The following KCNU1 variants were observed in gnomAD, a reference collection of about 807,000 sequenced individuals.
The protein encoded by KCNU1 is potassium channel subfamily U member 1.
A neutral mutation model predicts 126.8 loss-of-function variants in KCNU1; 93 were observed. The observed-to-expected ratio is 0.73, with a 90% CI of 0.62 to 0.87. The LOEUF is 0.87. Ranked by LOEUF, KCNU1 falls within the 40% of genes least tolerant of loss-of-function variation. The probability of loss-of-function intolerance (pLI) is 0.00; values close to 1 mark genes in which losing one functional copy is unlikely to be tolerated. For synonymous variants in KCNU1, 523 were observed against 494.2 expected (o/e 1.06, Z -0.77); for missense variants, 1,330 against 1,367.1 (o/e 0.97, Z 0.43).
chr8:36,896,714 T>C (rs1807205039), intron 19 of KCNU1, among the ~76,000 whole-genome samples: 1 of 152,054 alleles, frequency 6.6e-6, no homozygotes. Flanking sequence ...GAACATGCAG[T>C]TTATTTTCTT....
At position 36,886,377 on chromosome 8, in the gene KCNU1, T is replaced by C. The variant is rs148324261; in HGVS notation, c.2010-19331T>C. On this transcript the variant is annotated intron_variant, in intron 19 of 26. Transcript: ENST00000399881. Reference sequence around the variant, plus strand: ...GCCAAAAACAAAACAAAACTCTCTCTGAGATGTTCAATTTAAAACCACACC... The same window carrying C: ...GCCAAAAACAAAACAAAACTCTCTCCGAGATGTTCAATTTAAAACCACACC... 1.6e-3 allele frequency among the ~76,000 whole-genome samples: 243 copies of C among 152,316 alleles called. 1 individual carries two copies. The highest frequency in any genetic ancestry group is 4.5e-3 in the African/African-American group (187 of 41,574).
chr8:36,914,987 C>T (rs1808041751), intron 22 of KCNU1, among the ~76,000 whole-genome samples: 1 of 152,094 alleles, frequency 6.6e-6, no homozygotes, highest in Admixed American at 6.5e-5. Flanking sequence ...TCAAATTAAC[C>T]ATTGCTCGAA....
chr8:36,801,653 G>A (rs949705088), intron 2 of KCNU1, among the ~76,000 whole-genome samples: 1 of 151,064 alleles, frequency 6.6e-6, no homozygotes. Flanking sequence ...TTATCAATAT[G>A]CTGCTATTAA....
chr8:36,878,388 G>A (rs1049823405), intron 19 of KCNU1, among the ~76,000 whole-genome samples: 14 of 152,158 alleles, frequency 9.2e-5, no homozygotes, highest in African/African-American at 3.4e-4. Flanking sequence ...CATGTGAGCT[G>A]TGGTGTAGAC....
chr8:36,797,915 C>G (rs1476262154), intron 2 of KCNU1, among the ~76,000 whole-genome samples: 1 of 152,084 alleles, frequency 6.6e-6, no homozygotes, highest in Non-Finnish European at 1.5e-5. Flanking sequence ...GAGGCGGGGC[C>G]AGAACTCAGC....
chr8:36,812,143 C>G (rs1803740658), intron 7 of KCNU1, among the ~76,000 whole-genome samples: 1 of 151,404 alleles, frequency 6.6e-6, no homozygotes, highest in African/African-American at 2.4e-5. Context: ...CTTTGGGAGG[C>G]CAAGGAGGGG....
chr8:36,853,426 T>G (rs1805423269), intron 18 of KCNU1, among the ~76,000 whole-genome samples: 1 of 152,220 alleles, frequency 6.6e-6, no homozygotes, highest in Admixed American at 6.6e-5. Flanking sequence ...ATGGTGTATT[T>G]TTAATGTGTT....
intron 10 of KCNU1, among the ~76,000 whole-genome samples, chr8:36,825,088 C>G (rs1414345871): frequency 6.6e-6 from 1 of 152,120 alleles, no homozygotes; most frequent in Admixed American, 6.5e-5. Context: ...TTCCTGGTGC[C>G]CTACATCCTA....
chr8:36,852,412 T>A (rs1805382906), intron 18 of KCNU1, among the ~76,000 whole-genome samples: 1 of 152,180 alleles, frequency 6.6e-6, no homozygotes, highest in Non-Finnish European at 1.5e-5. Flanking sequence ...CCTCTTCTTT[T>A]ATTTTTTGGA....
intron 19 of KCNU1, among the ~76,000 whole-genome samples, chr8:36,885,305 A>G (rs570237510): frequency 6.6e-6 from 1 of 152,330 alleles, no homozygotes; most frequent in East Asian, 1.9e-4. Context: ...CTATAATCCT[A>G]GCACTTTGGG....
chr8:36,931,121 C>A lies in KCNU1; in HGVS notation c.2907C>A (p.His969Gln), dbSNP rs752811947. The A allele has an allele frequency of 4.4e-6, 7 of 1,608,180 alleles. No individual in the cohort carries two copies. The Admixed American group carries it at 8.5e-5, about 19-fold the overall frequency. ...NRCKLGLLSL[H>Q]ETILSDVNPR... ...GTAAGCTGGGGCTTCTGTCCTTACA[C>A]GAAACCATTTTATCAGACGTTAATG... Residue 969 changes from histidine to glutamine, a missense_variant, in exon 25 of 27, where the codon CAC becomes CAA. By Grantham distance (24) the His-to-Gln change is conservative (BLOSUM62 0). Transcript: ENST00000399881.
At chr8:36,857,634 T>TTTTTTG (rs748349392) in intron 18 of KCNU1, among the ~76,000 whole-genome samples, 2 of 151,856 alleles carry the variant, frequency 1.3e-5, no homozygotes, top group Non-Finnish European at 2.9e-5. Context: ...TGTTTTTTGT[T>TTTTTTG]TTTTTGTTTT....
chr8:36,895,457 C>T (rs113031096), intron 19 of KCNU1, among the ~76,000 whole-genome samples: 2,744 of 152,084 alleles, frequency 0.018, 85 homozygotes, highest in African/African-American at 0.061. Flanking sequence ...CCACTATTTC[C>T]GAACACTAAA....
At chr8:36,925,912 T>C (rs956944920) in intron 24 of KCNU1, among the ~76,000 whole-genome samples, 8 of 152,104 alleles carry the variant, frequency 5.3e-5, no homozygotes, top group African/African-American at 1.9e-4. Context: ...AGAAAGGCAG[T>C]TGTGGGTCCT....
intron 18 of KCNU1, among the ~76,000 whole-genome samples, chr8:36,855,421 G>A (rs1191606436): frequency 2.0e-5 from 3 of 152,042 alleles, no homozygotes; most frequent in African/African-American, 7.2e-5. Context: ...GGTTATGCAG[G>A]GAACCACCAG....
At chr8:36,896,201 A>C (rs1231568142) in intron 19 of KCNU1, among the ~76,000 whole-genome samples, 4 of 151,982 alleles carry the variant, frequency 2.6e-5, no homozygotes, top group Non-Finnish European at 4.4e-5. Flanking sequence ...ATAAAAACTT[A>C]TTTTCTTTCT....
At chr8:36,865,264 T>C (rs984529333) in intron 19 of KCNU1, among the ~76,000 whole-genome samples, 6 of 152,132 alleles carry the variant, frequency 3.9e-5, no homozygotes, top group Non-Finnish European at 7.4e-5. Flanking sequence ...TAAAGCACTT[T>C]GCTGCTGCAG....
Position 36,922,768 on chromosome 8 carries a change from C to T in KCNU1, c.2736+139C>T, listed in dbSNP as rs543140489. The T allele has an allele frequency of 2.9e-5, 26 of 899,938 alleles. No homozygotes were observed. In the Admixed American group the frequency reaches 3.8e-4, roughly 13 times the overall value. 55.7% of individuals were successfully genotyped at this position (899,938 alleles called of 1,614,324 possible). A position where few individuals can be genotyped will look rare whatever the true frequency, so the allele number is the denominator to read the frequency against. On this transcript the variant is annotated intron_variant, in intron 24 of 26. Transcript: ENST00000399881. The stretch of plus-strand genomic sequence containing the variant: ...TTTCAAAAACAAGCTTGTTCCCATA[C>T]ATTAATTTATCTTTTCTCATAACTA...
chr8:36,794,583 C>T (rs1000512878), intron 2 of KCNU1, among the ~76,000 whole-genome samples: 1 of 151,924 alleles, frequency 6.6e-6, no homozygotes, highest in Non-Finnish European at 1.5e-5. Context: ...TGAGCATTTT[C>T]TCATAAACTT....
Sources: gnomAD v4.1 joint callset for allele counts (sites outside exome capture counted in the v4.1 genomes callset) on GRCh38, gnomAD v4.1.1 for gene constraint, MANE v1.5 for transcripts, NCBI Gene and HGNC (gene_info 2026-07-23, HGNC 2026-07-21) for gene names.